The following TG variants were observed in gnomAD, a reference collection of about 807,000 sequenced individuals.
The protein encoded by TG is thyroid hormones.
TG carries 270 observed loss-of-function variants against 324.7 expected under a neutral mutation model. The ratio of observed to expected loss-of-function variants is 0.83; its 90% CI spans 0.75 to 0.92. The LOEUF is 0.92. TG is among the 40% of genes least tolerant of loss of function. The probability of loss-of-function intolerance (pLI) is 0.00; values close to 1 mark genes in which losing one functional copy is unlikely to be tolerated. For synonymous variants in TG, 1,401 were observed against 1,327.0 expected, an observed-to-expected ratio of 1.06 and a Z score of -1.21; for missense variants, 3,591 against 3,456.4, an observed-to-expected ratio of 1.04 and a Z score of -0.98.
intron 41 of TG, chr8:133,050,803 A>G (rs1480614808): frequency 1.9e-6 from 3 of 1,544,560 alleles, no homozygotes; most frequent in South Asian, 1.1e-5. Flanking sequence ...CAAGTTTTGG[A>G]GAGCTGACTC....
Position 133,116,624 on chromosome 8 carries a change from C to T in TG, c.7770C>T (p.Ile2590=), listed in dbSNP as rs571669072. 6.2e-7 allele frequency: 1 copy of T among 1,614,182 alleles called. No individual in the cohort carries two copies. The highest frequency in any genetic ancestry group is 8.5e-7 in the Non-Finnish European group (1 of 1,179,970). Residue 2590 remains isoleucine (I), a synonymous_variant, in exon 45 of 48, where the codon ATC becomes ATT. Transcript: ENST00000220616. ...TTTTCACCAGGGACTACTTTATCAT[C>T]TGCCCTATAATCGACATGGCCAGTG... is the stretch of plus-strand genomic sequence containing the variant. ...LENATRDYFI[I]CPIIDMASAW...
intron 27 of TG, among the ~76,000 whole-genome samples, chr8:132,950,957 G>A (rs557524014): frequency 2.0e-5 from 3 of 152,282 alleles, no homozygotes; most frequent in South Asian, 4.1e-4. Flanking sequence ...GCCAGCTGAA[G>A]ACACTCAGGC....
chr8:133,024,759 C>T (rs1049659868), intron 40 of TG, among the ~76,000 whole-genome samples: 4 of 152,096 alleles, frequency 2.6e-5, no homozygotes, highest in Admixed American at 6.5e-5. Flanking sequence ...TTTATGGCTG[C>T]ATAGTATTCC....
In TG at chr8:133,127,031, C is replaced by T. The variant is rs542351901; in HGVS notation, c.7863-4781C>T. On this transcript the variant is annotated intron_variant, in intron 45 of 47. Transcript: ENST00000220616. ...CTCAAATCAGTCCATTCAGATGGGC[C>T]GGAATGCCCATCTGTGCTGTGCCAT... Among the ~76,000 whole-genome samples the T allele has an allele frequency of 1.8e-4, 28 of 152,254 alleles. No homozygotes were observed. In the East Asian group the frequency reaches 4.1e-3, roughly 22 times the overall value.
At chr8:132,963,836 C>T (rs1214182999) in intron 29 of TG, among the ~76,000 whole-genome samples, 3 of 152,082 alleles carry the variant, frequency 2.0e-5, no homozygotes, top group Admixed American at 6.6e-5. Context: ...GGGAAAAAAA[C>T]GTCATGCTAC....
chr8:132,964,075 T>C (rs1203792984), intron 29 of TG, among the ~76,000 whole-genome samples: 1 of 151,916 alleles, frequency 6.6e-6, no homozygotes, highest in East Asian at 1.9e-4. Context: ...GGCGTTGTGT[T>C]TGTGATCCTC....
chr8:132,972,571 T>G, intron 33 of TG, 27 bp from the exon 34 acceptor site: 3 of 1,566,014 alleles, frequency 1.9e-6, no homozygotes, highest in Non-Finnish European at 2.6e-6. Flanking sequence ...TGATTGTGGT[T>G]TTTTGTTTTT....
At chr8:133,099,639 C>T (rs1848954731) in intron 43 of TG, among the ~76,000 whole-genome samples, 2 of 152,208 alleles carry the variant, frequency 1.3e-5, no homozygotes, top group African/African-American at 4.8e-5. Context: ...CCATCCCCAA[C>T]CAGCATGTTC....
chr8:133,065,618 C>T (rs1044255740), intron 41 of TG, among the ~76,000 whole-genome samples: 1 of 151,838 alleles, frequency 6.6e-6, no homozygotes, highest in African/African-American at 2.4e-5. Context: ...AAAAATTAGC[C>T]GGACATGTTG....
chr8:132,900,549 G>A lies in TG; in HGVS notation c.3433+210G>A, dbSNP rs183976098. ...AGTTTCTTGGGAGAAGCAAACGTGG[G>A]AGGGAGTAGGCTGTGCTTTGTGTCT... On this transcript the variant is annotated intron_variant, in intron 15 of 47. Coordinates refer to ENST00000220616, the MANE Select transcript of TG (RefSeq NM_003235.5). 3.9e-3 allele frequency among the ~76,000 whole-genome samples: 595 copies of A among 152,330 alleles called. 4 individuals carry two copies. Among genetic ancestry groups the A allele is most frequent in the African/African-American group, 0.012 (505 of 41,588 alleles).
In TG at chr8:132,873,166, A is replaced by C. The variant is rs375719895; in HGVS notation, c.583A>C (p.Lys195Gln). 1 of 1,614,170 alleles carries C rather than the reference A, an allele frequency of 6.2e-7. No individual in the cohort carries two copies. The change falls in exon 5 of 48, where the codon AAA becomes CAA. Residue 195 changes from lysine to glutamine, a missense_variant. Lys to Gln is a moderately conservative substitution (Grantham distance 53, BLOSUM62 1). Coordinates refer to ENST00000220616, the MANE Select transcript of TG (RefSeq NM_003235.5). ...AEGEFMPVQC[K>Q]FVNTTDMMIF... ...GGGAGAGTTTATGCCTGTCCAGTGC[A>C]AATTTGTCAACACCACAGACATGAT...
chr8:132,872,976 T>C, intron 4 of TG, 86 bp from the exon 5 acceptor site: 9 of 1,433,952 alleles, frequency 6.3e-6, no homozygotes, highest in Non-Finnish European at 8.8e-6. Flanking sequence ...TCCCCATTGC[T>C]AAGGGACACG....
At chr8:133,102,707 T>C (rs1349978571) in intron 43 of TG, 8 of 751,374 alleles carry the variant, frequency 1.1e-5, no homozygotes, top group Admixed American at 6.5e-5. Context: ...AAATTGACAG[T>C]CTGCCTACAT....
At chr8:132,894,202 A>C (rs79562389) in intron 11 of TG, among the ~76,000 whole-genome samples, 3,264 of 152,230 alleles carry the variant, frequency 0.021, 127 homozygotes, top group African/African-American at 0.076. Context: ...ATTCTTGTTA[A>C]AATGCGAGGG....
At chr8:133,065,518 T>G (rs1465342746) in intron 41 of TG, among the ~76,000 whole-genome samples, 2 of 152,142 alleles carry the variant, frequency 1.3e-5, no homozygotes, top group African/African-American at 4.8e-5. Context: ...TCCTAGCACT[T>G]TGGGAAGCTG....
intron 41 of TG, chr8:133,050,751 AC>A (rs1408391427): frequency 9.4e-7 from 1 of 1,060,908 alleles, no homozygotes; most frequent in Non-Finnish European, 1.5e-6. Flanking sequence ...ACAATCAAAT[AC>A]TTTTCTCCCA....
intron 37 of TG, among the ~76,000 whole-genome samples, chr8:133,015,753 G>T (rs1359997566): frequency 1.3e-5 from 2 of 152,198 alleles, no homozygotes; most frequent in African/African-American, 4.8e-5. Flanking sequence ...ATTTATGATT[G>T]TGACAGGAAG....
rs187807977 is a variant in TG at position 132,968,219 on chromosome 8, G to A, written c.5863+249G>A. On this transcript the variant is annotated intron_variant, in intron 31 of 47. Coordinates refer to ENST00000220616, the MANE Select transcript of TG (RefSeq NM_003235.5). ...GGGCAGTATTTCAATGCAGAAGTGG[G>A]CTTTAAAAAAATAAAACCCAAAATG... 1.1e-4 allele frequency among the ~76,000 whole-genome samples: 17 copies of A among 152,130 alleles called. No homozygotes were observed. The East Asian group carries it at 2.9e-3, about 26-fold the overall frequency.
intron 42 of TG, among the ~76,000 whole-genome samples, chr8:133,095,847 T>C (rs533836016): frequency 6.6e-6 from 1 of 152,326 alleles, no homozygotes; most frequent in South Asian, 2.1e-4. Flanking sequence ...GCTAATTTGA[T>C]CATAGCTGGA....
Sources: allele counts gnomAD v4.1 joint callset (sites outside exome capture counted in the v4.1 genomes callset), GRCh38; gene constraint gnomAD v4.1.1; transcripts MANE v1.5; gene names NCBI Gene and HGNC (gene_info 2026-07-23, HGNC 2026-07-21).